CSMD3: variants seen among roughly 807,000 people sequenced by gnomAD.
CSMD3 encodes CUB and sushi domain-containing protein 3.
A neutral mutation model predicts 435.2 loss-of-function variants in CSMD3; 177 were observed. That is an observed-to-expected ratio of 0.41 (90% CI 0.36 to 0.46). The LOEUF (loss-of-function observed/expected upper bound fraction) is 0.46, where lower values mean the gene tolerates loss of function less well. Ranked by LOEUF, CSMD3 falls within the 20% of genes least tolerant of loss-of-function variation. The pLI is 0.34. For synonymous variants in CSMD3, 1,656 were observed against 1,520.5 expected (o/e 1.09, Z -2.07); for missense variants, 4,265 against 4,504.6 (o/e 0.95, Z 1.52).
intron 53 of CSMD3, among the ~76,000 whole-genome samples, chr8:112,301,274 C>T (rs1820898041): frequency 6.6e-6 from 1 of 151,826 alleles, no homozygotes; most frequent in Non-Finnish European, 1.5e-5. Context: ...ATAATAAATA[C>T]TCTAAGGGGA....
rs115106397 is a variant in CSMD3 at position 113,124,086 on chromosome 8, A to C, written c.710-25123T>G. 4.1e-3 allele frequency among the ~76,000 whole-genome samples: 628 copies of C among 152,102 alleles called. 3 individuals carry two copies. The highest frequency in any genetic ancestry group is 0.015 in the African/African-American group (604 of 41,542). ...TCCTTTCTTTGCATCTGTACCAAAT[A>C]CGTGGTGGTTCATTCTTTCCTCCCC... On this transcript the variant is annotated intron_variant, in intron 4 of 70. Transcript: ENST00000297405.
intron 2 of CSMD3, chr8:113,312,767 G>T (rs2093879148): frequency 6.6e-6 from 1 of 152,116 alleles, no homozygotes; most frequent in East Asian, 1.9e-4. Flanking sequence ...AAAGACACCA[G>T]CTTTTAATGA....
intron 3 of CSMD3, among the ~76,000 whole-genome samples, chr8:113,188,933 C>A (rs1453284204): frequency 1.3e-5 from 2 of 151,760 alleles, no homozygotes; most frequent in East Asian, 3.9e-4. Flanking sequence ...ACATTCTAAT[C>A]TTTATTTAAT....
intron 3 of CSMD3, among the ~76,000 whole-genome samples, chr8:113,210,754 G>C (rs1050830216): frequency 1.3e-5 from 2 of 151,880 alleles, no homozygotes; most frequent in African/African-American, 4.8e-5. Context: ...GCAGGGACCT[G>C]TAATCCCAGT....
chr8:113,276,604 C>A (rs1018925805), intron 3 of CSMD3, among the ~76,000 whole-genome samples: 1 of 152,024 alleles, frequency 6.6e-6, no homozygotes, highest in Non-Finnish European at 1.5e-5. Context: ...CCTTTGGATA[C>A]AAACCCAGCC....
intron 5 of CSMD3, among the ~76,000 whole-genome samples, chr8:113,044,692 G>A (rs1054761506): frequency 6.7e-6 from 1 of 148,774 alleles, no homozygotes; most frequent in Admixed American, 6.7e-5. Context: ...CATAAATGTG[G>A]CCCACATGTT....
intron 27 of CSMD3, among the ~76,000 whole-genome samples, chr8:112,529,792 G>A (rs1461596652): frequency 1.3e-5 from 2 of 151,984 alleles, no homozygotes; most frequent in East Asian, 1.9e-4. Flanking sequence ...TTAAGAATCA[G>A]AAAAAAATAA....
chr8:113,097,864 A>G (rs1160428946), intron 5 of CSMD3, among the ~76,000 whole-genome samples: 1 of 151,904 alleles, frequency 6.6e-6, no homozygotes, highest in Non-Finnish European at 1.5e-5. Context: ...ATCACCCCCC[A>G]GTCCATTACA....
At chr8:112,703,865 A>AG (rs1446968907) in intron 13 of CSMD3, among the ~76,000 whole-genome samples, 1 of 152,114 alleles carries the variant, frequency 6.6e-6, no homozygotes, top group Non-Finnish European at 1.5e-5. Flanking sequence ...GGAAATCTAT[A>AG]ACTGCCCACA....
intron 5 of CSMD3, among the ~76,000 whole-genome samples, chr8:113,019,598 A>T (rs1167638776): frequency 6.6e-6 from 1 of 150,454 alleles, no homozygotes; most frequent in African/African-American, 2.4e-5. Context: ...AATAATAAAC[A>T]TAACAGATAT....
intron 16 of CSMD3, 114 bp downstream of exon 16, chr8:112,682,328 G>T (rs1351581086): frequency 3.5e-6 from 3 of 864,778 alleles, no homozygotes; most frequent in South Asian, 2.7e-5. Context: ...AGAATATCAA[G>T]AAATGTTTTA....
At chr8:113,030,592 C>G (rs1370387978) in intron 5 of CSMD3, among the ~76,000 whole-genome samples, 1 of 150,884 alleles carries the variant, frequency 6.6e-6, no homozygotes, top group Non-Finnish European at 1.5e-5. Context: ...CACAGAAAAT[C>G]TTTGAGATCT....
intron 10 of CSMD3, among the ~76,000 whole-genome samples, chr8:112,907,646 G>A (rs1295261694): frequency 2.0e-5 from 3 of 151,204 alleles, no homozygotes; most frequent in African/African-American, 7.3e-5. Flanking sequence ...GGGGCATGTT[G>A]GGAGGAAATA....
At chr8:112,348,388 A>G (rs1288350348) in intron 40 of CSMD3, among the ~76,000 whole-genome samples, 1 of 152,302 alleles carries the variant, frequency 6.6e-6, no homozygotes, top group African/African-American at 2.4e-5. Flanking sequence ...CTTTCCATCA[A>G]AATATCTGGC....
intron 9 of CSMD3, among the ~76,000 whole-genome samples, chr8:112,945,270 C>G (rs1564133494): frequency 6.6e-6 from 1 of 151,682 alleles, no homozygotes; most frequent in Admixed American, 6.6e-5. Context: ...CTGCCAACAC[C>G]ATAGTCCAAA....
chr8:112,405,491 G>A (rs145301649), intron 35 of CSMD3, among the ~76,000 whole-genome samples: 37 of 150,956 alleles, frequency 2.5e-4, no homozygotes, highest in African/African-American at 4.6e-4. Flanking sequence ...AAAGCCAAGC[G>A]TCATTATAAT....
At chr8:112,640,863 G>C (rs1359431146) in intron 20 of CSMD3, among the ~76,000 whole-genome samples, 1 of 151,960 alleles carries the variant, frequency 6.6e-6, no homozygotes, top group African/African-American at 2.4e-5. Context: ...GACAATAGGA[G>C]AGTAGATTGA....
intron 12 of CSMD3, among the ~76,000 whole-genome samples, chr8:112,826,163 G>A (rs1401562238): frequency 6.6e-6 from 1 of 152,188 alleles, no homozygotes; most frequent in Non-Finnish European, 1.5e-5. Flanking sequence ...TACCTCTTGA[G>A]ACCAAGCCAT....
intron 10 of CSMD3, among the ~76,000 whole-genome samples, chr8:112,915,720 C>A (rs1449513623): frequency 6.6e-6 from 1 of 151,732 alleles, no homozygotes; most frequent in East Asian, 1.9e-4. Flanking sequence ...GTTTTACAAT[C>A]AATAACCATC....
Sources: allele counts gnomAD v4.1 joint callset (sites outside exome capture counted in the v4.1 genomes callset), GRCh38; gene constraint gnomAD v4.1.1; transcripts MANE v1.5; gene names NCBI Gene and HGNC (gene_info 2026-07-23, HGNC 2026-07-21).